The following KRTAP26-1 variants were observed in gnomAD, a reference collection of about 807,000 sequenced individuals.
The protein encoded by KRTAP26-1 is keratin-associated protein 26-1.
For missense variants in KRTAP26-1, 273 were observed against 260.9 expected (o/e 1.05, Z -0.32); for synonymous variants, 111 against 103.3 (o/e 1.07, Z -0.45).
At chr21:30,319,814 GCCGGTCTCACAGTGGA>G in the KRTAP26-1 span, 2 of 1,613,670 alleles carry the variant, frequency 1.2e-6, no homozygotes, top group East Asian at 4.5e-5. Context: ...TTTCAAGATT[GCCGGTCTCACAGTGGA>G]CCGGCTGGCA....
Position 30,319,430 on chromosome 21 carries a change from C to G in KRTAP26-1, c.606G>C (p.Thr202=). Residue 202 remains threonine, a synonymous_variant, in exon 1 of 1, where the codon ACG becomes ACC. Coordinates refer to ENST00000360542, the MANE Select transcript of KRTAP26-1 (RefSeq NM_203405.2). ...ACAGTCCAGAGCAAGATGGACGACA[C>G]GTGCTGAACACATGGGTCAGAGGTT... ...GCQPLTHVFS[T]CRPSCSGL 6.2e-7 allele frequency: 1 copy of G among 1,606,018 alleles called. No individual in the cohort carries two copies. Among genetic ancestry groups the G allele is most frequent in the Non-Finnish European group, 8.5e-7 (1 of 1,174,834 alleles).
At position 30,319,971 on chromosome 21, in the gene KRTAP26-1, A is replaced by G. The variant is rs774820283; in HGVS notation, c.65T>C (p.Ile22Thr). The change falls in exon 1 of 1, where the codon ATT becomes ACT. Residue 22 changes from isoleucine to threonine, a missense_variant. Ile to Thr is a moderately conservative substitution (Grantham distance 89). Transcript: ENST00000360542. ...NSGSLRTSRH[I>T]PLTSIDLCPT... is the part of the protein sequence containing the mutation. ...GCAGAGGTCGATGGAGGTGAGAGGA[A>G]TATGGCGGGAGGTTCTGAGAGATCC... 5 of 1,613,666 alleles carry G rather than the reference A, an allele frequency of 3.1e-6. No individual in the cohort carries two copies. Among genetic ancestry groups the G allele is most frequent in the Non-Finnish European group, 4.2e-6 (5 of 1,179,828 alleles).
rs1981616947 is a variant in KRTAP26-1 at position 30,319,376 on chromosome 21, T to C, written c.*27A>G. The C allele has an allele frequency of 6.5e-6, 10 of 1,532,514 alleles. No homozygotes were observed. Among genetic ancestry groups the C allele is most frequent in the Admixed American group, 4.2e-5 (2 of 47,878 alleles). 94.9% of individuals were successfully genotyped at this position (1,532,514 alleles called of 1,614,324 possible). On this transcript the variant is annotated 3_prime_UTR_variant, in exon 1 of 1. Coordinates refer to ENST00000360542, the MANE Select transcript of KRTAP26-1 (RefSeq NM_203405.2). ...TTGTTGTGGATGCTCAGAGTGATTA[T>C]TCACTGGAACAAAGAAGCTGCTGGT... is the stretch of plus-strand genomic sequence containing the variant.
chr21:30,319,627 C>A lies in KRTAP26-1; in HGVS notation c.409G>T (p.Asp137Tyr). The A allele has an allele frequency of 1.2e-6, 2 of 1,613,674 alleles. No homozygotes were observed. Among genetic ancestry groups the A allele is most frequent in the Non-Finnish European group, 1.7e-6 (2 of 1,179,768 alleles). Residue 137 changes from aspartate (D) to tyrosine (Y), a missense_variant, in exon 1 of 1, where the codon GAC becomes TAC. Transcript: ENST00000360542. ...PLLNSYQPIG[D>Y]CVPNAYRPQF... ...GGGCGATAGGCATTGGGCACACAGTCTCCTATGGGCTGGTAACTATTGAGC... is the reference window on the plus strand; with the variant it reads ...GGGCGATAGGCATTGGGCACACAGTATCCTATGGGCTGGTAACTATTGAGC...
At chr21:30,319,963 TGAGA>T in the KRTAP26-1 span, 1 of 1,613,644 alleles carries the variant, frequency 6.2e-7, no homozygotes, top group East Asian at 2.2e-5. Flanking sequence ...TCGATGGAGG[TGAGA>T]GGAATATGGC....
At chr21:30,319,893 TC>T in the KRTAP26-1 span, 1 of 1,614,114 alleles carries the variant, frequency 6.2e-7, no homozygotes. Context: ...CCAGGTATGG[TC>T]TTGAGAGCTA....
chr21:30,319,660 T>G lies in KRTAP26-1; in HGVS notation c.376A>C (p.Arg126=), dbSNP rs1568817596. 1 of 1,613,722 alleles carries G rather than the reference T, an allele frequency of 6.2e-7. No homozygotes were observed. The highest frequency in any genetic ancestry group is 1.3e-5 in the African/African-American group (1 of 74,862). Residue 126 remains arginine (R), a synonymous_variant, in exon 1 of 1, where the codon AGG becomes CGG. Transcript: ENST00000360542. ...RYVSSGCRPL[R]PLLNSYQPIG... ...GGCTGGTAACTATTGAGCAGCGGCCTCAGTGGACGACAGCCGCTGGACACA... is the reference window on the plus strand; with the variant it reads ...GGCTGGTAACTATTGAGCAGCGGCCGCAGTGGACGACAGCCGCTGGACACA...
rs1215145434 is a variant in KRTAP26-1, at chr21:30,320,279, A to G, written c.-244T>C. ...ATCCATTGATTACGTCTATCTATAA[A>G]CCAATGCGACTGAGTTTTAATAGGA... On this transcript the variant is annotated 5_prime_UTR_variant, in exon 1 of 1. Coordinates refer to ENST00000360542, the MANE Select transcript of KRTAP26-1 (RefSeq NM_203405.2). The G allele has an allele frequency of 1.3e-5, 5 of 389,102 alleles. No individual in the cohort carries two copies. The highest frequency in any genetic ancestry group is 2.4e-5 in the Non-Finnish European group (5 of 207,596). 24.1% of individuals were successfully genotyped at this position (389,102 alleles called of 1,614,324 possible). A position where few individuals can be genotyped will look rare whatever the true frequency, so the allele number is the denominator to read the frequency against.
At chr21:30,319,762 A>AG in the KRTAP26-1 span, 1 of 1,614,048 alleles carries the variant, frequency 6.2e-7, no homozygotes, top group Non-Finnish European at 8.5e-7. Context: ...CTTCCTTGGC[A>AG]AGGCCTGGGC....
the KRTAP26-1 span, chr21:30,319,760 G>T: frequency 6.2e-7 from 1 of 1,614,012 alleles, no homozygotes; most frequent in South Asian, 1.1e-5. Context: ...TGCTTCCTTG[G>T]CAAGGCCTGG....
In KRTAP26-1 at chr21:30,319,414, A is replaced by C; in HGVS notation, c.622T>G (p.Ser208Ala). ...HVFSTCRPSC[S>A]GL The stretch of plus-strand genomic sequence containing the variant: ...AGAAGCTGCTGGTTTCACAGTCCAG[A>C]GCAAGATGGACGACACGTGCTGAAC... Residue 208 changes from serine to alanine, a missense_variant, in exon 1 of 1, where the codon TCT (serine) becomes GCT (alanine). Physicochemically the swap from Ser to Ala is moderately conservative, Grantham distance 99. Coordinates refer to ENST00000360542, the MANE Select transcript of KRTAP26-1 (RefSeq NM_203405.2). The C allele has an allele frequency of 6.3e-7, 1 of 1,598,818 alleles. No individual in the cohort carries two copies. Among genetic ancestry groups the C allele is most frequent in the Non-Finnish European group, 8.5e-7 (1 of 1,170,006 alleles).
chr21:30,319,612 C>T lies in KRTAP26-1; in HGVS notation c.424G>A (p.Ala142Thr), dbSNP rs374958539. 2 of 1,613,680 alleles carry T rather than the reference C, an allele frequency of 1.2e-6. No homozygotes were observed. The highest frequency in any genetic ancestry group is 1.7e-6 in the Non-Finnish European group (2 of 1,179,936). The change falls in exon 1 of 1, where the codon GCC becomes ACC. Residue 142 changes from alanine (A) to threonine (T), a missense_variant. By Grantham distance (58) the Ala-to-Thr change is moderately conservative. Transcript: ENST00000360542. ...YQPIGDCVPN[A>T]YRPQFCLSKS... is the part of the protein sequence containing the mutation. Reference sequence around the variant, plus strand: ...GACAAGCAGAATTGGGGGCGATAGGCATTGGGCACACAGTCTCCTATGGGC... The same window carrying T: ...GACAAGCAGAATTGGGGGCGATAGGTATTGGGCACACAGTCTCCTATGGGC...
rs371533379 is a variant in KRTAP26-1 at position 30,319,606 on chromosome 21, G to A, written c.430C>T (p.Arg144Cys). Residue 144 changes from arginine (R) to cysteine (C), a missense_variant, in exon 1 of 1, where the codon CGC (arginine) becomes TGC (cysteine). Coordinates refer to ENST00000360542, the MANE Select transcript of KRTAP26-1 (RefSeq NM_203405.2). The stretch of plus-strand genomic sequence containing the variant: ...CTCTTGGACAAGCAGAATTGGGGGC[G>A]ATAGGCATTGGGCACACAGTCTCCT... Reference protein sequence around the residue: ...PIGDCVPNAYRPQFCLSKSCQ... With the variant: ...PIGDCVPNAYCPQFCLSKSCQ... 75 of 1,613,716 alleles carry A rather than the reference G, an allele frequency of 4.6e-5. No homozygotes were observed. Among genetic ancestry groups the A allele is most frequent in the Middle Eastern group, 1.6e-4 (1 of 6,080 alleles).
In KRTAP26-1 at chr21:30,319,299, G is replaced by C; in HGVS notation, c.*104C>G. 1 of 1,180,522 alleles carries C rather than the reference G, an allele frequency of 8.5e-7. No individual in the cohort carries two copies. The highest frequency in any genetic ancestry group is 1.2e-6 in the Non-Finnish European group (1 of 844,440). The allele number at this position is 1,180,522 out of a possible 1,614,324, so 73.1% of individuals were successfully genotyped here. ...ATTAGATCAGGCACAGTAAAACTAA[G>C]AAACATCAGTTGCTACTAGCAAAGA... On this transcript the variant is annotated 3_prime_UTR_variant, in exon 1 of 1. Transcript: ENST00000360542.
In KRTAP26-1 at chr21:30,320,038, T is replaced by G. The variant is rs1256571182; in HGVS notation, c.-3A>C. 3 of 1,571,724 alleles carry G rather than the reference T, an allele frequency of 1.9e-6. No individual in the cohort carries two copies. The highest frequency in any genetic ancestry group is 2.3e-5 in the South Asian group (2 of 85,256). On this transcript the variant is annotated 5_prime_UTR_variant, in exon 1 of 1. Coordinates refer to ENST00000360542, the MANE Select transcript of KRTAP26-1 (RefSeq NM_203405.2). ...GAGCAGTAGTTGGGGCAAGACATAG[T>G]GAGGTTGTGAGAGCAGGCTGAAGTT...
In KRTAP26-1 at chr21:30,319,512, C is replaced by A. The variant is rs142191601; in HGVS notation, c.524G>T (p.Ser175Ile). 3.2e-5 allele frequency: 52 copies of A among 1,613,800 alleles called. No homozygotes were observed. The South Asian group carries it at 3.5e-4, about 11-fold the overall frequency. Reference protein sequence around the residue: ...PSSCLAYRPQSLHVVSSSLRP... With the variant: ...PSSCLAYRPQILHVVSSSLRP... ...GAGGCTGCTGGACACAACGTGAAGA[C>A]TTTGAGGACGATAGGCCAAGCAACT... is the stretch of plus-strand genomic sequence containing the variant. The change falls in exon 1 of 1, where the codon AGT becomes ATT. Residue 175 changes from serine to isoleucine, a missense_variant. Coordinates refer to ENST00000360542, the MANE Select transcript of KRTAP26-1 (RefSeq NM_203405.2).
At position 30,320,072 on chromosome 21, in the gene KRTAP26-1, G is replaced by T; in HGVS notation, c.-37C>A. On this transcript the variant is annotated 5_prime_UTR_variant, in exon 1 of 1. Transcript: ENST00000360542. ...GAGAGCAGGCTGAAGTTGAGGCAAA[G>T]AAGTGAGTGTCTGAAGTTTGTTCTG... The T allele has an allele frequency of 2.7e-6, 4 of 1,500,926 alleles. No homozygotes were observed. The highest frequency in any genetic ancestry group is 2.0e-4 in the Middle Eastern group (1 of 5,008). The allele number at this position is 1,500,926 out of a possible 1,614,324, so 93.0% of individuals were successfully genotyped here. A position where few individuals can be genotyped will look rare whatever the true frequency, so the allele number is the denominator to read the frequency against.
In KRTAP26-1 at chr21:30,319,457, G is replaced by C; in HGVS notation, c.579C>G (p.Cys193Trp). The change falls in exon 1 of 1, where the codon TGC (cysteine) becomes TGG (tryptophan). Residue 193 changes from cysteine to tryptophan, a missense_variant. Coordinates refer to ENST00000360542, the MANE Select transcript of KRTAP26-1 (RefSeq NM_203405.2). ...TGCTGAACACATGGGTCAGAGGTTG[G>C]CAACCACTGAACAGAGGCCCCAGAG... The part of the protein sequence containing the change: ...LRPLGPLFSG[C>W]QPLTHVFSTC... The C allele has an allele frequency of 6.2e-7, 1 of 1,613,788 alleles. No homozygotes were observed.
At position 30,319,769 on chromosome 21, in the gene KRTAP26-1, G is replaced by A; in HGVS notation, c.267C>T (p.Pro89=). 4 of 1,613,950 alleles carry A rather than the reference G, an allele frequency of 2.5e-6. No individual in the cohort carries two copies. The highest frequency in any genetic ancestry group is 2.2e-5 in the South Asian group (2 of 91,046). Residue 89 remains proline, a synonymous_variant, in exon 1 of 1, where the codon CCC becomes CCT. Coordinates refer to ENST00000360542, the MANE Select transcript of KRTAP26-1 (RefSeq NM_203405.2). ...GAAAACTGCTTCCTTGGCAAGGCCT[G>A]GGCACGTAGTAAGCAGTGGAAGAAC... is the stretch of plus-strand genomic sequence containing the variant. ...SCGSSTAYYV[P]RPCQGSSFLP... is the part of the protein sequence containing the mutation.
Sources: allele counts gnomAD v4.1 joint callset, GRCh38; gene constraint gnomAD v4.1.1; transcripts MANE v1.5; gene names NCBI Gene and HGNC (gene_info 2026-07-23, HGNC 2026-07-21).